Variants in SLC8A1 observed in about 807,000 individuals in gnomAD.
The protein encoded by SLC8A1 is sodium/calcium exchanger 1.
SLC8A1 carries 18 observed loss-of-function variants against 68.3 expected under a neutral mutation model. The ratio of observed to expected loss-of-function variants is 0.26; its 90% CI spans 0.18 to 0.39. SLC8A1 has a LOEUF of 0.39. Ranked by LOEUF, SLC8A1 falls within the 10% of genes least tolerant of loss-of-function variation. The pLI is 1.00. For missense variants in SLC8A1, 985 were observed against 1,156.7 expected, an observed-to-expected ratio of 0.85 and a Z score of 2.15; for synonymous variants, 475 against 415.5, an observed-to-expected ratio of 1.14 and a Z score of -1.74.
At chr2:40,143,996 C>G (rs151006583) in intron 6 of SLC8A1, among the ~76,000 whole-genome samples, 155 of 152,288 alleles carry the variant, frequency 1.0e-3, no homozygotes, top group African/African-American at 3.5e-3. Flanking sequence ...TCCTAACTCC[C>G]ATCTCTCAGA....
At chr2:40,364,136 G>A (rs1389167231) in intron 2 of SLC8A1, among the ~76,000 whole-genome samples, 1 of 151,900 alleles carries the variant, frequency 6.6e-6, no homozygotes. Flanking sequence ...TTTGCTCTTA[G>A]TATAGCACAC....
intron 2 of SLC8A1, among the ~76,000 whole-genome samples, chr2:40,393,342 A>G (rs1458550737): frequency 6.6e-6 from 1 of 152,114 alleles, no homozygotes; most frequent in Non-Finnish European, 1.5e-5. Context: ...TAAGAAACTT[A>G]GCAATCTATG....
intron 7 of SLC8A1, among the ~76,000 whole-genome samples, chr2:40,117,216 G>A (rs2035635746): frequency 6.6e-6 from 1 of 151,832 alleles, no homozygotes; most frequent in Non-Finnish European, 1.5e-5. Flanking sequence ...GAACTTGCAA[G>A]ATACTAAATT....
intron 2 of SLC8A1, among the ~76,000 whole-genome samples, chr2:40,408,740 T>A (rs1489055204): frequency 6.6e-6 from 1 of 152,160 alleles, no homozygotes. Context: ...GGGCACCAGT[T>A]AGATATTTAA....
At chr2:40,224,172 G>C (rs2058688430) in intron 2 of SLC8A1, among the ~76,000 whole-genome samples, 1 of 152,106 alleles carries the variant, frequency 6.6e-6, no homozygotes, top group African/African-American at 2.4e-5. Flanking sequence ...CAATCACTTA[G>C]CACCATACTC....
intron 6 of SLC8A1, among the ~76,000 whole-genome samples, chr2:40,157,069 T>A (rs2148424934): frequency 6.6e-6 from 1 of 152,304 alleles, no homozygotes; most frequent in Admixed American, 6.5e-5. Flanking sequence ...CATGATACCA[T>A]GAAAGAAAGA....
intron 2 of SLC8A1, among the ~76,000 whole-genome samples, chr2:40,360,846 G>A (rs144591988): frequency 1.7e-4 from 26 of 152,260 alleles, no homozygotes; most frequent in African/African-American, 5.8e-4. Flanking sequence ...ACCCTCTGCT[G>A]GGGCCACACA....
chr2:40,381,169 G>A (rs1681651452), intron 2 of SLC8A1, among the ~76,000 whole-genome samples: 1 of 151,922 alleles, frequency 6.6e-6, no homozygotes, highest in Non-Finnish European at 1.5e-5. Context: ...TCAAAATCGG[G>A]GGTTGGCTGC....
upstream of SLC8A1, among the ~76,000 whole-genome samples, chr2:40,454,360 G>A (rs565720856): frequency 6.6e-6 from 1 of 152,048 alleles, no homozygotes; most frequent in South Asian, 2.1e-4. Flanking sequence ...TTGCTATGAC[G>A]GGCCGCTTAG....
chr2:40,331,818 C>G (rs1486904632), intron 2 of SLC8A1, among the ~76,000 whole-genome samples: 1 of 152,230 alleles, frequency 6.6e-6, no homozygotes, highest in East Asian at 1.9e-4. Flanking sequence ...GTTTTGAACT[C>G]CTGACCTCAG....
intron 2 of SLC8A1, among the ~76,000 whole-genome samples, chr2:40,404,567 T>C (rs575355203): frequency 6.6e-6 from 1 of 152,232 alleles, no homozygotes; most frequent in Non-Finnish European, 1.5e-5. Flanking sequence ...ATTAAACTAA[T>C]GAATCATCAT....
intron 2 of SLC8A1, among the ~76,000 whole-genome samples, chr2:40,202,687 A>G (rs1307435514): frequency 6.6e-6 from 1 of 152,024 alleles, no homozygotes; most frequent in African/African-American, 2.4e-5. Flanking sequence ...TTAAAAGTAC[A>G]CAAGAGCTAA....
intron 2 of SLC8A1, among the ~76,000 whole-genome samples, chr2:40,364,968 C>T (rs1675672089): frequency 1.3e-5 from 2 of 151,898 alleles, no homozygotes; most frequent in South Asian, 2.1e-4. Flanking sequence ...TGCTGGGGCA[C>T]ATGTCTCTCT....
At chr2:40,248,652 A>T (rs553620160) in intron 2 of SLC8A1, among the ~76,000 whole-genome samples, 10 of 152,248 alleles carry the variant, frequency 6.6e-5, no homozygotes, top group African/African-American at 2.4e-4. Context: ...GGAGGTAATA[A>T]AATATGTCAT....
intron 1 of SLC8A1, among the ~76,000 whole-genome samples, chr2:40,462,595 C>G (rs1220220004): frequency 1.3e-5 from 2 of 151,288 alleles, no homozygotes; most frequent in Non-Finnish European, 2.9e-5. Context: ...GATCGCTTAG[C>G]CCAGGAGTTC....
intron 2 of SLC8A1, among the ~76,000 whole-genome samples, chr2:40,329,060 TCACACA>T (rs70957170): frequency 0.035 from 4,880 of 141,152 alleles, 110 homozygotes; most frequent in African/African-American, 0.068. Context: ...CACTACAACC[TCACACA>T]CACACACACA....
chr2:40,102,795 C>A (rs1039382030), exon 8 of SLC8A1: 10 of 152,022 alleles, frequency 6.6e-5, no homozygotes, highest in Non-Finnish European at 1.0e-4. Flanking sequence ...TTTAGTATTT[C>A]CTAATCAAAT....
intron 1 of SLC8A1, among the ~76,000 whole-genome samples, chr2:40,476,020 T>C (rs1294204170): frequency 6.6e-6 from 1 of 152,208 alleles, no homozygotes; most frequent in Non-Finnish European, 1.5e-5. Context: ...TGAGAGGTAT[T>C]GTTTTGGCAC....
chr2:40,369,713 T>C (rs1370240933), intron 2 of SLC8A1, among the ~76,000 whole-genome samples: 3 of 152,108 alleles, frequency 2.0e-5, no homozygotes, highest in Non-Finnish European at 4.4e-5. Context: ...AACTGGATTT[T>C]CTTTAGCAGA....
Sources: gnomAD v4.1 joint callset for allele counts (sites outside exome capture counted in the v4.1 genomes callset) on GRCh38, gnomAD v4.1.1 for gene constraint, MANE v1.5 for transcripts, NCBI Gene and HGNC (gene_info 2026-07-23, HGNC 2026-07-21) for gene names.